AMPH: variants seen among roughly 807,000 people sequenced by gnomAD.
AMPH encodes amphiphysin (Stiff-Mann syndrome with breast cancer 128kD autoantigen).
Under a neutral mutation model 99.1 loss-of-function variants are expected in AMPH, and 49 were observed. The ratio of observed to expected loss-of-function variants is 0.49; its 90% CI spans 0.39 to 0.63. The LOEUF (loss-of-function observed/expected upper bound fraction) is 0.63. Among genes scored for constraint, AMPH ranks in the 20% least tolerant of loss-of-function variants. The pLI, the probability that AMPH is intolerant of heterozygous loss-of-function variation, is 0.00. For synonymous variants in AMPH, 314 were observed against 317.3 expected, an observed-to-expected ratio of 0.99 and a Z score of 0.11; for missense variants, 759 against 863.4, an observed-to-expected ratio of 0.88 and a Z score of 1.52.
At chr7:38,462,948 C>T (rs774360806) in intron 10 of AMPH, 27 bp downstream of exon 10, 3 of 1,526,374 alleles carry the variant, frequency 2.0e-6, no homozygotes, top group South Asian at 2.6e-5. Context: ...TGAGCTCTAT[C>T]CCCCAATATA....
chr7:38,605,341 G>C (rs1367287803), intron 1 of AMPH, among the ~76,000 whole-genome samples: 1 of 152,032 alleles, frequency 6.6e-6, no homozygotes, highest in Non-Finnish European at 1.5e-5. Flanking sequence ...GAGATGAGAC[G>C]GAAAGCATCT....
intron 1 of AMPH, among the ~76,000 whole-genome samples, chr7:38,587,606 A>G (rs1792702504): frequency 6.6e-6 from 1 of 152,218 alleles, no homozygotes; most frequent in Non-Finnish European, 1.5e-5. Flanking sequence ...AAGTCCTCTG[A>G]ACTTAATTCT....
rs778645184 is a variant in AMPH at position 38,491,053 on chromosome 7, T to C, written c.393A>G (p.Ile131Met). The change falls in exon 5 of 21, where the codon ATA becomes ATG. Residue 131 changes from isoleucine (I) to methionine (M), a missense_variant. Physicochemically the swap from Ile to Met is conservative, Grantham distance 10 (BLOSUM62 1). Coordinates refer to ENST00000356264, the MANE Select transcript of AMPH (RefSeq NM_001635.4). ...TTATAGACACAGAGTAAAATACCTT[T>C]ATGTCAGGAAATTGCCCCAGGTAGG... ...LDTYLGQFPD[I>M]KNRIAKRSRK... The C allele has an allele frequency of 6.2e-7, 1 of 1,604,430 alleles. No individual in the cohort carries two copies. The highest frequency in any genetic ancestry group is 2.2e-5 in the East Asian group (1 of 44,782).
intron 1 of AMPH, among the ~76,000 whole-genome samples, chr7:38,589,496 C>T (rs1223973877): frequency 6.6e-6 from 1 of 152,172 alleles, no homozygotes; most frequent in African/African-American, 2.4e-5. Context: ...TGTTTAATGG[C>T]TTGGCTTCCA....
intron 1 of AMPH, among the ~76,000 whole-genome samples, chr7:38,535,461 C>T (rs1235496295): frequency 6.6e-6 from 1 of 152,134 alleles, no homozygotes; most frequent in Non-Finnish European, 1.5e-5. Context: ...CTTTTTGGCA[C>T]CAGGGACCAG....
chr7:38,482,717 A>G (rs1401770962), intron 5 of AMPH, among the ~76,000 whole-genome samples: 5 of 152,164 alleles, frequency 3.3e-5, no homozygotes, highest in Non-Finnish European at 7.4e-5. Flanking sequence ...GCTAAGTCAT[A>G]CTATGAACAT....
At chr7:38,478,625 A>G (rs1489214561) in intron 5 of AMPH, among the ~76,000 whole-genome samples, 2 of 152,206 alleles carry the variant, frequency 1.3e-5, no homozygotes, top group African/African-American at 4.8e-5. Context: ...CAACAGAGAC[A>G]GACTCAGACA....
At chr7:38,385,043 A>G (rs1374989064) in intron 20 of AMPH, 118 bp from the exon 21 acceptor site, 2 of 873,482 alleles carry the variant, frequency 2.3e-6, no homozygotes, top group Non-Finnish European at 3.7e-6. Flanking sequence ...ATGTCACATT[A>G]CAGGTAAAGT....
intron 1 of AMPH, among the ~76,000 whole-genome samples, chr7:38,592,346 T>C (rs1289523530): frequency 3.3e-5 from 5 of 152,198 alleles, no homozygotes; most frequent in Non-Finnish European, 7.3e-5. Flanking sequence ...AAGCAAGGTA[T>C]GATCATTCCC....
intron 3 of AMPH, among the ~76,000 whole-genome samples, chr7:38,496,307 A>G (rs1433309500): frequency 2.0e-5 from 3 of 152,176 alleles, no homozygotes; most frequent in African/African-American, 7.2e-5. Context: ...AGTATGTATA[A>G]AAGTCCACAT....
rs367689186 is a variant in AMPH, at chr7:38,394,022, C to G, written c.1591G>C (p.Glu531Gln). ...ESAQPEAEELEATVPQEKVIP... is the reference protein window; with the variant it reads ...ESAQPEAEELQATVPQEKVIP... ...ACACTCACCTGAGGCACTGTTGCTT[C>G]GAGCTCCTCTGCTTCAGGTTGGGCA... The change falls in exon 18 of 21, where the codon GAA becomes CAA. Residue 531 changes from glutamate to glutamine, a missense_variant. Coordinates refer to ENST00000356264, the MANE Select transcript of AMPH (RefSeq NM_001635.4). 6.8e-6 allele frequency: 11 copies of G among 1,614,072 alleles called. No individual in the cohort carries two copies. In the East Asian group the frequency reaches 2.2e-4, roughly 33 times the overall value.
chr7:38,533,454 T>C (rs766276327), intron 2 of AMPH, among the ~76,000 whole-genome samples: 1 of 152,198 alleles, frequency 6.6e-6, no homozygotes, highest in Non-Finnish European at 1.5e-5. Context: ...GGGATGAAAC[T>C]GGAGACATTC....
intron 1 of AMPH, among the ~76,000 whole-genome samples, chr7:38,553,343 G>A (rs934989057): frequency 1.3e-5 from 2 of 152,138 alleles, no homozygotes; most frequent in South Asian, 2.1e-4. Context: ...CCTGCCTGCC[G>A]AGCTCTGGCT....
chr7:38,451,504 T>C (rs1479984211), intron 11 of AMPH, among the ~76,000 whole-genome samples: 2 of 151,810 alleles, frequency 1.3e-5, no homozygotes, highest in African/African-American at 2.4e-5. Flanking sequence ...AAAATATCTT[T>C]TAAATCTTTA....
chr7:38,488,190 T>C (rs972460956), intron 5 of AMPH, among the ~76,000 whole-genome samples: 16 of 152,140 alleles, frequency 1.1e-4, no homozygotes, highest in African/African-American at 3.1e-4. Flanking sequence ...ACCCAAAGGA[T>C]TATAACTCAT....
chr7:38,538,661 A>G (rs1037546785), intron 1 of AMPH, among the ~76,000 whole-genome samples: 1 of 152,198 alleles, frequency 6.6e-6, no homozygotes, highest in African/African-American at 2.4e-5. Context: ...AGGCTTTTTA[A>G]TAGTCCAAGC....
intron 17 of AMPH, among the ~76,000 whole-genome samples, chr7:38,416,935 G>A (rs991110074): frequency 6.6e-6 from 1 of 152,120 alleles, no homozygotes; most frequent in Non-Finnish European, 1.5e-5. Flanking sequence ...AATGACTTAA[G>A]GCACCAACGA....
intron 1 of AMPH, among the ~76,000 whole-genome samples, chr7:38,624,923 G>C (rs1679151220): frequency 6.6e-6 from 1 of 151,910 alleles, no homozygotes; most frequent in Non-Finnish European, 1.5e-5. Context: ...ATGGAAACAA[G>C]TCAGCAGAAT....
Position 38,386,142 on chromosome 7 carries a change from G to C in AMPH, c.1981-1217C>G, listed in dbSNP as rs368300149. Among the ~76,000 whole-genome samples, 7 of 151,798 alleles carry C rather than the reference G, an allele frequency of 4.6e-5. No individual in the cohort carries two copies. The East Asian group carries it at 7.8e-4, about 17-fold the overall frequency. On this transcript the variant is annotated intron_variant, in intron 20 of 20. Transcript: ENST00000356264. ...TTGAAGGCAGGAAAAAAACCGCTGA[G>C]GAAAAAAACGACTCAATAAAATAAC...
Sources: gnomAD v4.1 joint callset for allele counts (sites outside exome capture counted in the v4.1 genomes callset) on GRCh38, gnomAD v4.1.1 for gene constraint, MANE v1.5 for transcripts, NCBI Gene and HGNC (gene_info 2026-07-23, HGNC 2026-07-21) for gene names.